The following BAIAP2L1 variants were observed in gnomAD, a reference collection of about 807,000 sequenced individuals.
BAIAP2L1 encodes the protein BAR/IMD domain containing adaptor protein 2 like 1.
A neutral mutation model predicts 66.3 loss-of-function variants in BAIAP2L1; 35 were observed. That is an observed-to-expected ratio of 0.53 (90% CI 0.40 to 0.70). The LOEUF (loss-of-function observed/expected upper bound fraction) is 0.70. Ranked by LOEUF, BAIAP2L1 falls within the 30% of genes least tolerant of loss-of-function variation. The probability of loss-of-function intolerance (pLI) is 0.00; values close to 1 mark genes in which losing one functional copy is unlikely to be tolerated. For synonymous variants in BAIAP2L1, 269 were observed against 248.7 expected, an observed-to-expected ratio of 1.08 and a Z score of -0.77; for missense variants, 622 against 656.9, an observed-to-expected ratio of 0.95 and a Z score of 0.58.
intron 3 of BAIAP2L1, among the ~76,000 whole-genome samples, chr7:98,353,961 CAATAA>C (rs72080714): frequency 0.19 from 26,709 of 138,886 alleles, 2,656 homozygotes; most frequent in South Asian, 0.27. Flanking sequence ...GACTCTGTCT[CAATAA>C]AATAAAATAA....
In BAIAP2L1 at chr7:98,343,559, C is replaced by A. The variant is rs538752292; in HGVS notation, c.214+11483G>T. ...TTGACGGTTTGTTTGCTCTGCCCAA[C>A]AAGACGAAGAGGTTAGGACTTGAGT... On this transcript the variant is annotated intron_variant, in intron 3 of 13. Transcript: ENST00000005260. Among the ~76,000 whole-genome samples, 22 of 152,302 alleles carry A rather than the reference C, an allele frequency of 1.4e-4. No homozygotes were observed. In the South Asian group the frequency reaches 4.1e-3, roughly 29 times the overall value.
intron 12 of BAIAP2L1, among the ~76,000 whole-genome samples, chr7:98,300,826 G>A (rs1584420697): frequency 6.6e-6 from 1 of 152,096 alleles, no homozygotes; most frequent in Non-Finnish European, 1.5e-5. Flanking sequence ...GCTGGTGCCC[G>A]ACCCCAGCTC....
intron 1 of BAIAP2L1, among the ~76,000 whole-genome samples, chr7:98,382,465 G>A (rs1237780184): frequency 6.6e-6 from 1 of 152,092 alleles, no homozygotes; most frequent in Non-Finnish European, 1.5e-5. Context: ...AAGCAACACA[G>A]GGAGACTGTG....
intron 1 of BAIAP2L1, among the ~76,000 whole-genome samples, chr7:98,392,151 A>C (rs1803060911): frequency 7.0e-6 from 1 of 142,054 alleles, no homozygotes; most frequent in Non-Finnish European, 1.5e-5. Context: ...TGGGCAATGT[A>C]GCAAGACCCC....
intron 9 of BAIAP2L1, chr7:98,310,193 T>C (rs1479912717): frequency 2.3e-6 from 1 of 435,764 alleles, no homozygotes; most frequent in African/African-American, 2.1e-5. Flanking sequence ...GTATGTTTAC[T>C]CTGGATAAAC....
At chr7:98,344,797 G>A (rs1280855056) in intron 3 of BAIAP2L1, among the ~76,000 whole-genome samples, 3 of 152,162 alleles carry the variant, frequency 2.0e-5, no homozygotes, top group Non-Finnish European at 2.9e-5. Context: ...TTAGCCAGGC[G>A]TGGTGGCACA....
At chr7:98,350,669 A>T (rs1401562444) in intron 3 of BAIAP2L1, among the ~76,000 whole-genome samples, 1 of 152,082 alleles carries the variant, frequency 6.6e-6, no homozygotes, top group African/African-American at 2.4e-5. Flanking sequence ...AAGAACAAAA[A>T]CAAAAATAAA....
chr7:98,369,877 G>A (rs1163800858), intron 1 of BAIAP2L1, among the ~76,000 whole-genome samples: 2 of 151,866 alleles, frequency 1.3e-5, no homozygotes, highest in Non-Finnish European at 2.9e-5. Flanking sequence ...TCACCGTGTT[G>A]CCCAGGCTGG....
At position 98,381,409 on chromosome 7, in the gene BAIAP2L1, G is replaced by C. The variant is rs377244846; in HGVS notation, c.52-18977C>G. On this transcript the variant is annotated intron_variant, in intron 1 of 13. Coordinates refer to ENST00000005260, the MANE Select transcript of BAIAP2L1 (RefSeq NM_018842.5). ...TATTGCTACAAAGATTGTCCTTCCA[G>C]GTGCAAAGGTCATAGCAGAAAGGAA... Among the ~76,000 whole-genome samples the C allele has an allele frequency of 3.3e-3, 506 of 152,280 alleles. 2 individuals are homozygous for C. The highest frequency in any genetic ancestry group is 0.012 in the African/African-American group (479 of 41,554).
chr7:98,355,330 A>T, intron 2 of BAIAP2L1: 1 of 582,410 alleles, frequency 1.7e-6, no homozygotes, highest in Admixed American at 2.8e-5. Context: ...GCCCCATGAG[A>T]TCCTCGTCTC....
chr7:98,350,717 AG>A (rs1216213693), intron 3 of BAIAP2L1, among the ~76,000 whole-genome samples: 2 of 152,112 alleles, frequency 1.3e-5, no homozygotes, highest in African/African-American at 4.8e-5. Context: ...AGCTACCCTA[AG>A]GCCCCCTACC....
In BAIAP2L1 at chr7:98,310,526, C is replaced by T. The variant is rs1379482216; in HGVS notation, c.874G>A (p.Ala292Thr). Residue 292 changes from alanine (A) to threonine (T), a missense_variant, in exon 9 of 14, where the codon GCA (alanine) becomes ACA (threonine). Ala to Thr is a moderately conservative substitution (Grantham distance 58, BLOSUM62 0). Coordinates refer to ENST00000005260, the MANE Select transcript of BAIAP2L1 (RefSeq NM_018842.5). ...ATATCGATCAAGGGACTGGTATATG[C>T]TCTGCCTGAAGGAGCGGGGGGCATC... ...PKMPPAPSGR[A>T]YTSPLIDMFN... 1.2e-6 allele frequency: 2 copies of T among 1,603,242 alleles called. No individual in the cohort carries two copies. Among genetic ancestry groups the T allele is most frequent in the East Asian group, 2.2e-5 (1 of 44,534 alleles).
chr7:98,359,956 T>A (rs1055057663), intron 2 of BAIAP2L1, among the ~76,000 whole-genome samples: 1 of 149,126 alleles, frequency 6.7e-6, no homozygotes, highest in East Asian at 2.0e-4. Context: ...CGAGTCTCAC[T>A]CTGTTGCCCA....
chr7:98,318,078 G>A (rs369835641), intron 5 of BAIAP2L1, among the ~76,000 whole-genome samples: 11 of 151,630 alleles, frequency 7.3e-5, no homozygotes, highest in South Asian at 2.1e-4. Context: ...CCCTCAACCC[G>A]CAGTTCACAC....
chr7:98,385,362 A>G (rs1236212851), intron 1 of BAIAP2L1, among the ~76,000 whole-genome samples: 2 of 152,124 alleles, frequency 1.3e-5, no homozygotes, highest in African/African-American at 2.4e-5. Flanking sequence ...AAAAACTCCA[A>G]ATGATTTAAA....
intron 1 of BAIAP2L1, among the ~76,000 whole-genome samples, chr7:98,395,920 C>T (rs897008782): frequency 2.6e-5 from 4 of 151,982 alleles, no homozygotes; most frequent in Non-Finnish European, 5.9e-5. Flanking sequence ...CAGCTACATG[C>T]CTGTAGCTTT....
intron 7 of BAIAP2L1, 37 bp downstream of exon 7, chr7:98,315,423 T>C (rs1801038616): frequency 7.3e-7 from 1 of 1,364,114 alleles, no homozygotes; most frequent in African/African-American, 1.5e-5. Flanking sequence ...GAAATAAAGT[T>C]ATTAATACGC....
At chr7:98,372,400 A>G (rs188422128) in intron 1 of BAIAP2L1, among the ~76,000 whole-genome samples, 64 of 152,154 alleles carry the variant, frequency 4.2e-4, no homozygotes, top group South Asian at 2.1e-3. Context: ...AACGAAACTC[A>G]GTCTCAAAAA....
intron 3 of BAIAP2L1, among the ~76,000 whole-genome samples, chr7:98,338,955 T>C (rs1019341250): frequency 3.3e-5 from 5 of 151,684 alleles, no homozygotes; most frequent in Admixed American, 3.3e-4. Context: ...TGCCTATAAT[T>C]CCAGCTACTT....
Sources: allele counts gnomAD v4.1 joint callset (sites outside exome capture counted in the v4.1 genomes callset), GRCh38; gene constraint gnomAD v4.1.1; transcripts MANE v1.5; gene names NCBI Gene and HGNC (gene_info 2026-07-23, HGNC 2026-07-21).